ALPI: variants seen among roughly 807,000 people sequenced by gnomAD.
ALPI encodes intestinal-type alkaline phosphatase.
Under a neutral mutation model 51.5 loss-of-function variants are expected in ALPI, and 50 were observed. The observed-to-expected ratio is 0.97, with a 90% CI of 0.77 to 1.23. ALPI has a LOEUF of 1.23. Ranked by LOEUF, ALPI falls within the 50% of genes most tolerant of loss-of-function variation. ALPI has a pLI of 0.00. For missense variants in ALPI, 692 were observed against 722.4 expected (o/e 0.96, Z 0.48); for synonymous variants, 322 against 308.2 (o/e 1.04, Z -0.47).
In ALPI at chr2:232,458,883, G is replaced by A. The variant is rs200208371; in HGVS notation, c.1324G>A (p.Ala442Thr). 6.2e-7 allele frequency: 1 copy of A among 1,610,688 alleles called. No homozygotes were observed. Among genetic ancestry groups the A allele is most frequent in the East Asian group, 2.2e-5 (1 of 44,806 alleles). The change falls in exon 11 of 11, where the codon GCG (alanine) becomes ACG (threonine). Residue 442 changes from alanine (A) to threonine (T), a missense_variant. Ala to Thr is a moderately conservative substitution (Grantham distance 58). Transcript: ENST00000295463. ...AGGGAGCCCCGATTACCAGCAGCAG[G>A]CGGCGGTGCCCCTGTCGTCCGAGAC... Reference protein sequence around the residue: ...ESGSPDYQQQAAVPLSSETHG... With the variant: ...ESGSPDYQQQTAVPLSSETHG...
In ALPI at chr2:232,459,166, T is replaced by A; in HGVS notation, c.*20T>A. On this transcript the variant is annotated 3_prime_UTR_variant, in exon 11 of 11. Transcript: ENST00000295463. ...CCCTGAGTGCCCCACTCCGGAGTTA[T>A]CCTGCTCCCCACCTCCGGGCGTCCT... 6.6e-7 allele frequency: 1 copy of A among 1,523,264 alleles called. No individual in the cohort carries two copies. Among genetic ancestry groups the A allele is most frequent in the South Asian group, 1.2e-5 (1 of 81,736 alleles). The allele number at this position is 1,523,264 out of a possible 1,614,324, so 94.4% of individuals were successfully genotyped here. A position where few individuals can be genotyped will look rare whatever the true frequency, so the allele number is the denominator to read the frequency against.
chr2:232,456,925 A>G lies in ALPI; in HGVS notation c.327A>G (p.Pro109=). 2.5e-6 allele frequency: 4 copies of G among 1,613,526 alleles called. No individual in the cohort carries two copies. Among genetic ancestry groups the G allele is most frequent in the Non-Finnish European group, 3.4e-6 (4 of 1,180,006 alleles). ...SKTYNVDRQV[P]DSAATATAYL... is the part of the protein sequence containing the mutation. ...CATACAATGTGGACAGACAGGTGCCAGACAGCGCAGCCACAGCCACGGCCT... is the reference window on the plus strand; with the variant it reads ...CATACAATGTGGACAGACAGGTGCCGGACAGCGCAGCCACAGCCACGGCCT... Residue 109 remains proline, a synonymous_variant, in exon 4 of 11, where the codon CCA becomes CCG. Transcript: ENST00000295463. This position sits in a 1 kb window ranked among gnomAD's most constrained non-coding sequence, Gnocchi z 4.2.
rs1690289536 is a variant in ALPI, at chr2:232,460,400, G to C, written c.*1254G>C. 6.6e-6 allele frequency among the ~76,000 whole-genome samples: 1 copy of C among 152,018 alleles called. No individual in the cohort carries two copies. Among genetic ancestry groups the C allele is most frequent in the African/African-American group, 2.4e-5 (1 of 41,348 alleles). On this transcript the variant is annotated 3_prime_UTR_variant, in exon 11 of 11. Coordinates refer to ENST00000295463, the MANE Select transcript of ALPI (RefSeq NM_001631.5). ...TTGGGAAATAAGCACTCTGGCTGCT[G>C]CCAGGAGAAGGGTCTGGTCTTTTGG...
Position 232,459,005 on chromosome 2 carries a change from CT to C in ALPI, c.1448del (p.Phe483SerfsTer68). The C allele has an allele frequency of 6.4e-7, 1 of 1,570,512 alleles. No individual in the cohort carries two copies. On this transcript the variant is annotated frameshift_variant, in exon 11 of 11. Coordinates refer to ENST00000295463, the MANE Select transcript of ALPI (RefSeq NM_001631.5). LOFTEE classifies it low-confidence loss of function (END_TRUNC). ...EQSFVAHVMA[F>X]AACLEPYTAC... The stretch of plus-strand genomic sequence containing the variant: ...AGAGCTTCGTAGCGCATGTCATGGC[CT>C]TCGCTGCCTGTCTGGAGCCCTACAC...
At position 232,457,533 on chromosome 2, in the gene ALPI, C is replaced by T; in HGVS notation, c.649-32C>T. 1 of 1,579,378 alleles carries T rather than the reference C, an allele frequency of 6.3e-7. No homozygotes were observed. Among genetic ancestry groups the T allele is most frequent in the Non-Finnish European group, 8.6e-7 (1 of 1,162,532 alleles). On this transcript the variant is annotated intron_variant, in intron 5 of 10. Transcript: ENST00000295463. This position sits in a 1 kb window ranked among gnomAD's most constrained non-coding sequence, Gnocchi z 4.7. ...GAGGGGGCACGGGGCCAGCCAGGCC[C>T]CCAAACCACCTGCCCCATCCATTGT...
In ALPI at chr2:232,456,238, G is replaced by A. The variant is rs771192168; in HGVS notation, c.39G>A (p.Arg13=). 2 of 1,613,932 alleles carry A rather than the reference G, an allele frequency of 1.2e-6. No individual in the cohort carries two copies. The highest frequency in any genetic ancestry group is 1.1e-5 in the South Asian group (1 of 91,074). The change falls in exon 1 of 11, where the codon AGG becomes AGA. Residue 13 remains arginine (R), a synonymous_variant. Transcript: ENST00000295463. The surrounding 1 kb of genome is among the most constrained non-coding windows in gnomAD (Gnocchi z 4.2). The part of the protein sequence containing the change: ...GPWVLLLLGL[R]LQLSLGVIPA... ...GGGTGCTGCTGCTGCTGGGCCTGAG[G>A]CTACAGCTCTCCCTGGGCGTCATCC...
rs765904572 is a variant in ALPI, at chr2:232,457,190, C to A, written c.516C>A (p.His172Gln). The A allele has an allele frequency of 6.8e-6, 11 of 1,613,462 alleles. No individual in the cohort carries two copies. The Admixed American group carries it at 1.8e-4, about 27-fold the overall frequency. Reference protein sequence around the residue: ...VGVVTTTRVQHASPAGTYAHT... With the variant: ...VGVVTTTRVQQASPAGTYAHT... ...TGGTGACCACCACACGGGTGCAGCACGCCTCGCCAGCCGGCACCTACGCAC... is the reference window on the plus strand; with the variant it reads ...TGGTGACCACCACACGGGTGCAGCAAGCCTCGCCAGCCGGCACCTACGCAC... The change falls in exon 5 of 11, where the codon CAC becomes CAA. Residue 172 changes from histidine to glutamine, a missense_variant. His to Gln is a conservative substitution (Grantham distance 24, BLOSUM62 0). Coordinates refer to ENST00000295463, the MANE Select transcript of ALPI (RefSeq NM_001631.5). The surrounding 1 kb of genome is among the most constrained non-coding windows in gnomAD (Gnocchi z 4.7).
In ALPI at chr2:232,457,294, C is replaced by T. The variant is rs115079894; in HGVS notation, c.620C>T (p.Thr207Ile). The change falls in exon 5 of 11, where the codon ACT (threonine) becomes ATT (isoleucine). Residue 207 changes from threonine (T) to isoleucine (I), a missense_variant. Thr to Ile is a moderately conservative substitution (Grantham distance 89, BLOSUM62 -1). Coordinates refer to ENST00000295463, the MANE Select transcript of ALPI (RefSeq NM_001631.5). The surrounding 1 kb of genome is among the most constrained non-coding windows in gnomAD (Gnocchi z 4.7). ...ARQEGCQDIATQLISNMDIDV... is the reference protein window; with the variant it reads ...ARQEGCQDIAIQLISNMDIDV... Reference sequence around the variant, plus strand: ...CAGGAGGGGTGCCAGGACATCGCCACTCAGCTCATCTCCAACATGGACATT... The same window carrying T: ...CAGGAGGGGTGCCAGGACATCGCCATTCAGCTCATCTCCAACATGGACATT... The T allele has an allele frequency of 1.7e-3, 2,791 of 1,611,984 alleles. 33 individuals carry two copies. The African/African-American group carries it at 0.032, about 19-fold the overall frequency.
At position 232,457,082 on chromosome 2, in the gene ALPI, G is replaced by C; in HGVS notation, c.475+9G>C. 1 of 1,613,466 alleles carries C rather than the reference G, an allele frequency of 6.2e-7. No individual in the cohort carries two copies. The highest frequency in any genetic ancestry group is 8.5e-7 in the Non-Finnish European group (1 of 1,179,960). On this transcript the variant is annotated intron_variant, in intron 4 of 10. Transcript: ENST00000295463. This position sits in a 1 kb window ranked among gnomAD's most constrained non-coding sequence, Gnocchi z 4.7. ...CCGGGCCAAGCAAGCAGGTGAGCTG[G>C]GGCCCGCTGTGGGGTCAGGACCAGG...
chr2:232,457,701 T>C lies in ALPI; in HGVS notation c.783+2T>C. The C allele has an allele frequency of 1.2e-6, 2 of 1,611,044 alleles. No individual in the cohort carries two copies. Among genetic ancestry groups the C allele is most frequent in the Non-Finnish European group, 1.7e-6 (2 of 1,178,304 alleles). On this transcript the variant is annotated splice_donor_variant, in intron 6 of 10. Coordinates refer to ENST00000295463, the MANE Select transcript of ALPI (RefSeq NM_001631.5). LOFTEE classifies it high-confidence loss of function. The surrounding 1 kb of genome is among the most constrained non-coding windows in gnomAD (Gnocchi z 4.7). ...CAGGAATGGCTGGCAAAGCACCAGG[T>C]GATGGGGGCTGGTGGGTGTGGGAGG...
At position 232,458,906 on chromosome 2, in the gene ALPI, G is replaced by T. The variant is rs148157889; in HGVS notation, c.1347G>T (p.Glu449Asp). 30 of 1,610,522 alleles carry T rather than the reference G, an allele frequency of 1.9e-5. No individual in the cohort carries two copies. Among genetic ancestry groups the T allele is most frequent in the Non-Finnish European group, 2.4e-5 (28 of 1,179,198 alleles). The change falls in exon 11 of 11, where the codon GAG becomes GAT. Residue 449 changes from glutamate (E) to aspartate (D), a missense_variant. Transcript: ENST00000295463. ...QQQAAVPLSSETHGGEDVAVF... is the reference protein window; with the variant it reads ...QQQAAVPLSSDTHGGEDVAVF... ...AGGCGGCGGTGCCCCTGTCGTCCGA[G>T]ACCCACGGAGGCGAAGACGTGGCGG... is the stretch of plus-strand genomic sequence containing the variant.
At chr2:232,458,166 G>C (rs374242190) in intron 8 of ALPI, 34 bp downstream of exon 8, 2 of 1,613,630 alleles carry the variant, frequency 1.2e-6, no homozygotes, top group Admixed American at 3.3e-5. Context: ...GGAGGAAGGC[G>C]GGGCGCGGCA....
In ALPI at chr2:232,459,379, C is replaced by T; in HGVS notation, c.*233C>T. The T allele has an allele frequency of 1.8e-6, 1 of 564,538 alleles. No individual in the cohort carries two copies. The highest frequency in any genetic ancestry group is 3.1e-6 in the Non-Finnish European group (1 of 320,628). The allele number at this position is 564,538 out of a possible 1,614,324, so 35.0% of individuals were successfully genotyped here. A position where few individuals can be genotyped will look rare whatever the true frequency, so the allele number is the denominator to read the frequency against. ...CTGAGCCTGGGACTTCCAGGACCTC[C>T]CCTCAGGTTGTTCTCTGATTCTTCC... On this transcript the variant is annotated 3_prime_UTR_variant, in exon 11 of 11. Transcript: ENST00000295463.
In ALPI at chr2:232,460,311, A is replaced by G. The variant is rs1690288421; in HGVS notation, c.*1165A>G. ...CAGGAGAGTGGGGTGTGCATGGGGG[A>G]CTGTGAAGTCTGGTTAGAGGGGTGT... On this transcript the variant is annotated 3_prime_UTR_variant, in exon 11 of 11. Coordinates refer to ENST00000295463, the MANE Select transcript of ALPI (RefSeq NM_001631.5). Among the ~76,000 whole-genome samples, 1 of 150,736 alleles carries G rather than the reference A, an allele frequency of 6.6e-6. No homozygotes were observed. The highest frequency in any genetic ancestry group is 2.1e-4 in the South Asian group (1 of 4,760).
Position 232,458,257 on chromosome 2 carries a change from C to T in ALPI, c.1032C>T (p.Tyr344=). 6.2e-7 allele frequency: 1 copy of T among 1,614,156 alleles called. No homozygotes were observed. Among genetic ancestry groups the T allele is most frequent in the Non-Finnish European group, 8.5e-7 (1 of 1,180,016 alleles). The part of the protein sequence containing the change: ...IDHGHHEGVA[Y]QALTEAVMFD... The stretch of plus-strand genomic sequence containing the variant: ...ATGGTCATCATGAGGGTGTGGCTTA[C>T]CAGGCACTCACTGAGGCGGTCATGT... Residue 344 remains tyrosine (Y), a synonymous_variant, in exon 9 of 11, where the codon TAC becomes TAT. Transcript: ENST00000295463.
chr2:232,458,304 C>A lies in ALPI; in HGVS notation c.1079C>A (p.Ala360Glu). 3.1e-6 allele frequency: 5 copies of A among 1,614,156 alleles called. No individual in the cohort carries two copies. Among genetic ancestry groups the A allele is most frequent in the Non-Finnish European group, 4.2e-6 (5 of 1,180,038 alleles). Reference sequence around the variant, plus strand: ...ATGTTCGACGACGCCATTGAGAGGGCGGGCCAGCTCACCAGCGAGGAGGAC... The same window carrying A: ...ATGTTCGACGACGCCATTGAGAGGGAGGGCCAGCTCACCAGCGAGGAGGAC... ...AVMFDDAIER[A>E]GQLTSEEDTL... The change falls in exon 9 of 11, where the codon GCG becomes GAG. Residue 360 changes from alanine (A) to glutamate (E), a missense_variant. Transcript: ENST00000295463.
In ALPI at chr2:232,456,689, G is replaced by C. The variant is rs150302120; in HGVS notation, c.294G>C (p.Leu98=). 1.5e-5 allele frequency: 24 copies of C among 1,601,442 alleles called. No homozygotes were observed. Among genetic ancestry groups the C allele is most frequent in the Non-Finnish European group, 1.8e-5 (21 of 1,173,808 alleles). The change falls in exon 3 of 11, where the codon CTG becomes CTC. Residue 98 remains leucine, a synonymous_variant. Transcript: ENST00000295463. The surrounding 1 kb of genome is among the most constrained non-coding windows in gnomAD (Gnocchi z 4.2). ...LAMDRFPYLA[L]SKTYNVDRQV... ...TGGACCGCTTCCCATACCTGGCTCTGTCCAAGGTAAGGGCTGGGCCACCTC... is the reference window on the plus strand; with the variant it reads ...TGGACCGCTTCCCATACCTGGCTCTCTCCAAGGTAAGGGCTGGGCCACCTC...
chr2:232,457,496 G>A lies in ALPI; in HGVS notation c.649-69G>A. On this transcript the variant is annotated intron_variant, in intron 5 of 10. Transcript: ENST00000295463. This position sits in a 1 kb window ranked among gnomAD's most constrained non-coding sequence, Gnocchi z 4.7. ...ACAGCCCTGGGGAGGGGAGCCAGGG[G>A]CTATGCATGAGGAGGGGGCACGGGG... is the stretch of plus-strand genomic sequence containing the variant. 1 of 1,554,402 alleles carries A rather than the reference G, an allele frequency of 6.4e-7. No individual in the cohort carries two copies. Among genetic ancestry groups the A allele is most frequent in the South Asian group, 1.2e-5 (1 of 80,274 alleles).
chr2:232,459,201 C>T lies in ALPI; in HGVS notation c.*55C>T, dbSNP rs999686145. 9 of 1,492,888 alleles carry T rather than the reference C, an allele frequency of 6.0e-6. No individual in the cohort carries two copies. In the African/African-American group the frequency reaches 1.1e-4, roughly 18 times the overall value. 92.5% of individuals were successfully genotyped at this position (1,492,888 alleles called of 1,614,324 possible). On this transcript the variant is annotated 3_prime_UTR_variant, in exon 11 of 11. Coordinates refer to ENST00000295463, the MANE Select transcript of ALPI (RefSeq NM_001631.5). ...CACCTCCGGGCGTCCTGCCCTGTTC[C>T]CCGTCCTGAGCCGCCACTTCCAGCG...
Sources: allele counts gnomAD v4.1 joint callset (sites outside exome capture counted in the v4.1 genomes callset), GRCh38; gene constraint gnomAD v4.1.1; non-coding constraint Gnocchi (gnomAD v3.1); transcripts MANE v1.5; gene names NCBI Gene and HGNC (gene_info 2026-07-23, HGNC 2026-07-21).